Variants in GALNT16 observed in about 807,000 individuals in gnomAD.
GALNT16 encodes the protein UDP-GalNAc:polypeptide N-acetylgalactosaminyltransferase-like protein 1.
In GALNT16, 40 loss-of-function variants were observed where a neutral mutation model predicts 76.1. The ratio of observed to expected loss-of-function variants is 0.53; its 90% CI spans 0.41 to 0.68. The LOEUF (loss-of-function observed/expected upper bound fraction) is 0.68, where lower values mean the gene tolerates loss of function less well. Ranked by LOEUF, GALNT16 falls within the 30% of genes least tolerant of loss-of-function variation. The probability of loss-of-function intolerance (pLI) is 0.00; values close to 1 mark genes in which losing one functional copy is unlikely to be tolerated. For synonymous variants in GALNT16, 276 were observed against 285.2 expected, an observed-to-expected ratio of 0.97 and a Z score of 0.32; for missense variants, 621 against 731.9, an observed-to-expected ratio of 0.85 and a Z score of 1.75.
Position 69,260,417 on chromosome 14 carries a change from G to T in GALNT16, c.127G>T (p.Ala43Ser), listed in dbSNP as rs749129208. 15 of 1,597,946 alleles carry T rather than the reference G, an allele frequency of 9.4e-6. No individual in the cohort carries two copies. The highest frequency in any genetic ancestry group is 1.3e-5 in the Non-Finnish European group (15 of 1,171,852). The change falls in exon 1 of 15, where the codon GCA becomes TCA. Residue 43 changes from alanine to serine, a missense_variant. Transcript: ENST00000448469. ...ASSGGRGAQR[A>S]GRRSEQLRED... ...CTCCGGCGGCCGGGGCGCGCAGAGG[G>T]CAGGCAGGAGGTCGGAGCAGCTCCG...
At chr14:69,260,571 C>T in intron 1 of GALNT16, 104 bp downstream of exon 1, 2 of 757,514 alleles carry the variant, frequency 2.6e-6, no homozygotes, top group Non-Finnish European at 3.5e-6. Context: ...GCTGAGTGCC[C>T]GCTGCGCCGG....
chr14:69,294,978 C>T (rs1397976836), intron 1 of GALNT16, among the ~76,000 whole-genome samples: 1 of 152,194 alleles, frequency 6.6e-6, no homozygotes, highest in East Asian at 1.9e-4. Context: ...GGATATGCCT[C>T]ATATTTTTTC....
intron 11 of GALNT16, among the ~76,000 whole-genome samples, chr14:69,340,627 G>A (rs1299127492): frequency 6.6e-6 from 1 of 152,066 alleles, no homozygotes; most frequent in Non-Finnish European, 1.5e-5. Context: ...TGGGATTACA[G>A]GCACGTGCCA....
intron 1 of GALNT16, among the ~76,000 whole-genome samples, chr14:69,290,527 T>C (rs950376648): frequency 6.6e-6 from 1 of 152,208 alleles, no homozygotes; most frequent in Non-Finnish European, 1.5e-5. Flanking sequence ...GTTTCATTGT[T>C]GATGGTTTTA....
At chr14:69,325,871 G>C in intron 4 of GALNT16, 91 bp from the exon 5 acceptor site, 1 of 983,176 alleles carries the variant, frequency 1.0e-6, no homozygotes, top group Non-Finnish European at 1.6e-6. Flanking sequence ...CCTTTCCTGG[G>C]CTTAGTATGG....
At chr14:69,285,120 A>T (rs1422533250) in intron 1 of GALNT16, among the ~76,000 whole-genome samples, 2 of 145,714 alleles carry the variant, frequency 1.4e-5, no homozygotes, top group Non-Finnish European at 3.0e-5. Context: ...GGCTCACTGC[A>T]AGCTCCGCCT....
intron 1 of GALNT16, among the ~76,000 whole-genome samples, chr14:69,297,000 T>C (rs1230277266): frequency 1.3e-5 from 2 of 152,226 alleles, no homozygotes; most frequent in Non-Finnish European, 2.9e-5. Context: ...CTACATATTA[T>C]TTCGTTGTGT....
At chr14:69,282,698 C>T (rs568518702) in intron 1 of GALNT16, among the ~76,000 whole-genome samples, 1 of 147,806 alleles carries the variant, frequency 6.8e-6, no homozygotes, top group East Asian at 2.0e-4. Context: ...CAGAGTCTCC[C>T]TCTGTTGCCC....
At chr14:69,289,213 C>T (rs1423477868) in intron 1 of GALNT16, among the ~76,000 whole-genome samples, 2 of 152,140 alleles carry the variant, frequency 1.3e-5, no homozygotes, top group Non-Finnish European at 2.9e-5. Flanking sequence ...TTTGCGGCCT[C>T]TGAGGGATGC....
intron 12 of GALNT16, among the ~76,000 whole-genome samples, chr14:69,346,532 A>AGT (rs1197223662): frequency 1.3e-5 from 2 of 152,110 alleles, no homozygotes; most frequent in African/African-American, 4.8e-5. Context: ...CATTAAATTA[A>AGT]GTGTGTGTGT....
chr14:69,346,915 C>T (rs1361119644), intron 12 of GALNT16, 125 bp from the exon 13 acceptor site: 6 of 1,134,992 alleles, frequency 5.3e-6, no homozygotes, highest in Non-Finnish European at 7.9e-6. Context: ...GGCCAGGCTG[C>T]TCCCGGGCCC....
At chr14:69,326,826 A>G (rs899301043) in intron 5 of GALNT16, among the ~76,000 whole-genome samples, 2 of 152,200 alleles carry the variant, frequency 1.3e-5, no homozygotes, top group Non-Finnish European at 2.9e-5. Flanking sequence ...ACTGGGGTTT[A>G]AGGAGCTTCA....
At position 69,333,539 on chromosome 14, in the gene GALNT16, C is replaced by T; in HGVS notation, c.906C>T (p.Ser302=). The T allele has an allele frequency of 6.2e-6, 10 of 1,610,622 alleles. No individual in the cohort carries two copies. The highest frequency in any genetic ancestry group is 8.5e-6 in the Non-Finnish European group (10 of 1,178,576). ...GAGGAATCTTCGTGATCGACAAGTC[C>T]TGGTTTAACCACTTGGGAAAGTATG... is the stretch of plus-strand genomic sequence containing the variant. The part of the protein sequence containing the change: ...IAGGIFVIDK[S]WFNHLGKYDA... Residue 302 remains serine (S), a synonymous_variant, in exon 9 of 15, where the codon TCC becomes TCT. Transcript: ENST00000448469. The surrounding 1 kb of genome is among the most constrained non-coding windows in gnomAD (Gnocchi z 4.2).
the GALNT16 span, among the ~76,000 whole-genome samples, chr14:69,385,500 T>C: frequency 3.3e-5 from 5 of 152,042 alleles, no homozygotes; most frequent in Admixed American, 3.3e-4. Context: ...AAGAGCCAAT[T>C]TGAGCTATCA....
chr14:69,371,410 C>G, the GALNT16 span, among the ~76,000 whole-genome samples: 1 of 151,716 alleles, frequency 6.6e-6, no homozygotes, highest in East Asian at 2.0e-4. Context: ...CGCACCACCA[C>G]GCCCAGCTTA....
chr14:69,321,561 C>A (rs975064746), intron 2 of GALNT16, among the ~76,000 whole-genome samples: 1 of 152,216 alleles, frequency 6.6e-6, no homozygotes, highest in Non-Finnish European at 1.5e-5. Context: ...AGCACCACCC[C>A]CCGCTCCCCA....
At chr14:69,296,099 C>T (rs975921461) in intron 1 of GALNT16, among the ~76,000 whole-genome samples, 2 of 152,142 alleles carry the variant, frequency 1.3e-5, no homozygotes, top group Admixed American at 6.6e-5. Context: ...CTGGAGAGGC[C>T]TCAGGAAACT....
intron 5 of GALNT16, among the ~76,000 whole-genome samples, chr14:69,327,345 G>A (rs1056456568): frequency 6.6e-6 from 1 of 152,062 alleles, no homozygotes; most frequent in Non-Finnish European, 1.5e-5. Context: ...GTGACAGAGC[G>A]ACACTCAGTT....
chr14:69,375,573 T>A, the GALNT16 span, among the ~76,000 whole-genome samples: 1 of 152,216 alleles, frequency 6.6e-6, no homozygotes, highest in African/African-American at 2.4e-5. Context: ...GGTTTCCACA[T>A]TATCCTGATA....
Sources: gnomAD v4.1 joint callset for allele counts (sites outside exome capture counted in the v4.1 genomes callset) on GRCh38, gnomAD v4.1.1 for gene constraint, Gnocchi (gnomAD v3.1) non-coding constraint, MANE v1.5 for transcripts, NCBI Gene and HGNC (gene_info 2026-07-23, HGNC 2026-07-21) for gene names.